Variants in CYREN observed in about 807,000 individuals in gnomAD.
The protein encoded by CYREN is cell cycle regulator of non-homologous end joining.
Under a neutral mutation model 9.7 loss-of-function variants are expected in CYREN, and 7 were observed. The observed-to-expected ratio is 0.72, with a 90% CI of 0.41 to 1.36. The LOEUF (loss-of-function observed/expected upper bound fraction) is 1.36. CYREN is among the 40% of genes most tolerant of loss of function. CYREN has a pLI of 0.01. For synonymous variants in CYREN, 76 were observed against 77.9 expected (o/e 0.98, Z 0.13); for missense variants, 215 against 198.1 (o/e 1.09, Z -0.51).
chr7:135,094,493 A>G (rs1822348727), exon 3 of CYREN: 1 of 456,594 alleles, frequency 2.2e-6, no homozygotes, highest in African/African-American at 2.0e-5. Flanking sequence ...CCTGGTGGCC[A>G]TAGTCTTGTC....
chr7:135,116,351 A>C (rs749340372), intron 2 of CYREN, among the ~76,000 whole-genome samples: 22 of 152,144 alleles, frequency 1.4e-4, no homozygotes, highest in Non-Finnish European at 3.2e-4. Context: ...ATTTCTCTTT[A>C]TAAGTGAAAA....
At position 135,151,857 on chromosome 7, in the gene CYREN, C is replaced by T. The variant is rs1280954358; in HGVS notation, n.356+16892G>A. ...CTAAAACCCATGCTCCTTACCACCA[C>T]ACTGTGCTACCTCTCAACAGGCAGC... On this transcript the variant is annotated intron_variant and non_coding_transcript_variant, in intron 2 of 2. Coordinates refer to the CYREN transcript ENST00000459937. The surrounding 1 kb of genome is among the most constrained non-coding windows in gnomAD (Gnocchi z 4.3). Among the ~76,000 whole-genome samples, 3 of 152,194 alleles carry T rather than the reference C, an allele frequency of 2.0e-5. No individual in the cohort carries two copies. Among genetic ancestry groups the T allele is most frequent in the Admixed American group, 6.5e-5 (1 of 15,290 alleles).
chr7:135,130,297 T>C (rs531550600), intron 2 of CYREN, among the ~76,000 whole-genome samples: 1 of 152,338 alleles, frequency 6.6e-6, no homozygotes, highest in Non-Finnish European at 1.5e-5. Context: ...TTATAATAAT[T>C]TAAAAATATG....
chr7:135,134,722 CT>C, intron 2 of CYREN: 1 of 965,612 alleles, frequency 1.0e-6, no homozygotes, highest in Non-Finnish European at 1.5e-6. Context: ...AATTCTTAAA[CT>C]TTAAGAAGTT....
chr7:135,104,581 C>G (rs1824362143), intron 2 of CYREN, among the ~76,000 whole-genome samples: 1 of 152,148 alleles, frequency 6.6e-6, no homozygotes, highest in Non-Finnish European at 1.5e-5. Flanking sequence ...TGCAACCTTG[C>G]CGGCATTTGT....
upstream of CYREN, among the ~76,000 whole-genome samples, chr7:135,171,938 ACTGGCACT>A (rs1451971243): frequency 5.3e-5 from 8 of 152,374 alleles, no homozygotes; most frequent in East Asian, 1.5e-3. Context: ...CCGGGAAGGA[ACTGGCACT>A]TGAAGTCCAG....
intron 2 of CYREN, among the ~76,000 whole-genome samples, chr7:135,099,377 T>G (rs547834410): frequency 6.6e-6 from 1 of 152,298 alleles, no homozygotes. Context: ...TTTGTGTGTC[T>G]GAATGAAACA....
chr7:135,162,384 C>CT (rs1491162448), downstream of CYREN, among the ~76,000 whole-genome samples: 1 of 152,218 alleles, frequency 6.6e-6, no homozygotes, highest in Non-Finnish European at 1.5e-5. Context: ...AAGCTTGAAG[C>CT]TCTGTGTTCC....
At chr7:135,162,023 A>G (rs950811986), downstream of CYREN, among the ~76,000 whole-genome samples, 15 of 152,246 alleles carry the variant, frequency 9.9e-5, no homozygotes, top group African/African-American at 3.6e-4. Flanking sequence ...GGTCTCTGCC[A>G]AAGAAGTCGC....
chr7:135,128,845 C>A, intron 2 of CYREN: 3 of 1,202,684 alleles, frequency 2.5e-6, no homozygotes, highest in South Asian at 1.2e-5. Context: ...GATGTGGAAT[C>A]ATTGTTAAAT....
intron 2 of CYREN, among the ~76,000 whole-genome samples, chr7:135,125,885 G>A (rs1399673268): frequency 6.6e-6 from 1 of 152,116 alleles, no homozygotes; most frequent in African/African-American, 2.4e-5. Context: ...GGTATTGATG[G>A]AACATATCTC....
At chr7:135,171,762 G>C (rs1168001421), upstream of CYREN, among the ~76,000 whole-genome samples, 1 of 142,828 alleles carries the variant, frequency 7.0e-6, no homozygotes, top group Non-Finnish European at 1.5e-5. Context: ...CCCTGACCAG[G>C]AAGCGAGGTG....
chr7:135,129,164 C>T lies in CYREN; in HGVS notation n.357-34582G>A. 9 of 1,459,688 alleles carry T rather than the reference C, an allele frequency of 6.2e-6. No homozygotes were observed. In the South Asian group the frequency reaches 9.1e-5, roughly 15 times the overall value. 90.4% of individuals were successfully genotyped at this position (1,459,688 alleles called of 1,614,324 possible). On this transcript the variant is annotated intron_variant and non_coding_transcript_variant, in intron 2 of 2. Transcript: ENST00000459937. Reference sequence around the variant, plus strand: ...ATGACTGCCTTCTCCTCCAGTCCACCTTGGACCTGATGGCAGATGTGGTGT... The same window carrying T: ...ATGACTGCCTTCTCCTCCAGTCCACTTTGGACCTGATGGCAGATGTGGTGT...
At chr7:135,171,328 A>ATTT (rs1830647127), upstream of CYREN, among the ~76,000 whole-genome samples, 2 of 2,536 alleles carry the variant, frequency 7.9e-4, no homozygotes, top group East Asian at 0.071. Flanking sequence ...TTTTTTTTTA[A>ATTT]AAAAAAAAGG....
intron 2 of CYREN, among the ~76,000 whole-genome samples, chr7:135,142,067 G>T (rs964168844): frequency 1.3e-5 from 2 of 152,038 alleles, no homozygotes; most frequent in Non-Finnish European, 2.9e-5. Context: ...AGGTCCATTT[G>T]GTCAAGTGTC....
chr7:135,116,221 C>G (rs747573826), intron 2 of CYREN, among the ~76,000 whole-genome samples: 1 of 152,010 alleles, frequency 6.6e-6, no homozygotes, highest in African/African-American at 2.4e-5. Context: ...AACTGAGGTG[C>G]AAAGAGGTTA....
chr7:135,115,459 TG>T (rs751209446), intron 2 of CYREN: 881 of 1,551,234 alleles, frequency 5.7e-4, no homozygotes, highest in Non-Finnish European at 7.4e-4. Flanking sequence ...ATTGGACAGA[TG>T]ATGAAAAAAG....
chr7:135,170,388 G>C (rs1245375007), intron 1 of CYREN: 3 of 152,440 alleles, frequency 2.0e-5, no homozygotes, highest in African/African-American at 7.2e-5. Flanking sequence ...CCCGCCGCTG[G>C]CGGCGCCGAC....
intron 2 of CYREN, chr7:135,147,906 T>G (rs1386023274): frequency 2.2e-6 from 1 of 455,972 alleles, no homozygotes; most frequent in Non-Finnish European, 4.4e-6. Context: ...GCTCTTTAAA[T>G]CAGTTGGTTT....
Sources: allele counts gnomAD v4.1 joint callset (sites outside exome capture counted in the v4.1 genomes callset), GRCh38; gene constraint gnomAD v4.1.1; non-coding constraint Gnocchi (gnomAD v3.1); transcripts MANE v1.5; gene names NCBI Gene and HGNC (gene_info 2026-07-23, HGNC 2026-07-21).